CCDC157: variants seen among roughly 807,000 people sequenced by gnomAD.
The protein encoded by CCDC157 is coiled-coil domain-containing protein 157.
CCDC157 carries 60 observed loss-of-function variants against 70.9 expected under a neutral mutation model. That is an observed-to-expected ratio of 0.85 (90% CI 0.69 to 1.05). The LOEUF (loss-of-function observed/expected upper bound fraction) is 1.05. CCDC157 is among the 50% of genes least tolerant of loss of function. CCDC157 has a pLI of 0.00. For synonymous variants in CCDC157, 373 were observed against 422.4 expected, an observed-to-expected ratio of 0.88 and a Z score of 1.43; for missense variants, 943 against 984.2, an observed-to-expected ratio of 0.96 and a Z score of 0.56.
At chr22:30,376,215 A>C (rs1601751525) in intron 10 of CCDC157, 44 bp from the exon 11 acceptor site, 18,801 of 1,182,380 alleles carry the variant, frequency 0.016, no homozygotes, top group Non-Finnish European at 0.021. Context: ...TGGGGAGGGG[A>C]CTCCTGGGCC....
chr22:30,366,222 C>T lies in CCDC157; in HGVS notation c.222C>T (p.Ala74=), dbSNP rs145073380. 1.9e-5 allele frequency: 31 copies of T among 1,613,600 alleles called. No homozygotes were observed. The highest frequency in any genetic ancestry group is 1.1e-4 in the South Asian group (10 of 91,090). Reference sequence around the variant, plus strand: ...CCGAGTTCACGCAGCTGTCCCATGCCGTGCTGCTGGAGCTGGTCATCGACA... The same window carrying T: ...CCGAGTTCACGCAGCTGTCCCATGCTGTGCTGCTGGAGCTGGTCATCGACA... The part of the protein sequence containing the change: ...GDPEFTQLSH[A]VLLELVIDRL... The change falls in exon 3 of 12, where the codon GCC becomes GCT. Residue 74 remains alanine (A), a synonymous_variant. Coordinates refer to ENST00000338306, the MANE Select transcript of CCDC157 (RefSeq NM_001017437.5).
intron 9 of CCDC157, chr22:30,374,292 C>T (rs1006881530): frequency 1.3e-4 from 88 of 664,600 alleles, no homozygotes; most frequent in African/African-American, 1.2e-3. Flanking sequence ...TAGACAGGGA[C>T]GTGAAAGCCC....
chr22:30,364,779 T>C (rs1932606848), intron 2 of CCDC157, among the ~76,000 whole-genome samples: 2 of 148,422 alleles, frequency 1.3e-5, no homozygotes, highest in Admixed American at 6.8e-5. Flanking sequence ...CACGCCACTG[T>C]ACTCCAGCCT....
At chr22:30,371,598 G>A (rs552415037) in intron 5 of CCDC157, 52 bp from the exon 6 acceptor site, 88 of 1,497,032 alleles carry the variant, frequency 5.9e-5, no homozygotes, top group Admixed American at 1.7e-4. Flanking sequence ...CATGAAGGCC[G>A]CCGGCCAGGT....
In CCDC157 at chr22:30,373,681, G is replaced by A. The variant is rs201264202; in HGVS notation, c.1420G>A (p.Glu474Lys). ...EREELRGSLDEAEAQRARVEE... is the reference protein window; with the variant it reads ...EREELRGSLDKAEAQRARVEE... ...TGAGGAGCTGCGGGGCAGCCTGGAC[G>A]AGGCTGAGGCCCAGCGGGCCCGCGT... The change falls in exon 8 of 12, where the codon GAG becomes AAG. Residue 474 changes from glutamate (E) to lysine (K), a missense_variant. Coordinates refer to ENST00000338306, the MANE Select transcript of CCDC157 (RefSeq NM_001017437.5). The A allele has an allele frequency of 4.7e-4, 735 of 1,555,376 alleles. 1 individual carries two copies. Among genetic ancestry groups the A allele is most frequent in the Non-Finnish European group, 5.8e-4 (669 of 1,149,630 alleles).
At chr22:30,371,125 G>A in intron 5 of CCDC157, 175 bp downstream of exon 5, 1 of 760,180 alleles carries the variant, frequency 1.3e-6, no homozygotes, top group Non-Finnish European at 2.1e-6. Context: ...TCATCCGGTG[G>A]TGACACTGTG....
rs532275916 is a variant in CCDC157, at chr22:30,369,213, C to T, written c.249-219C>T. 5.2e-4 allele frequency: 201 copies of T among 385,864 alleles called. No homozygotes were observed. In the East Asian group the frequency reaches 7.6e-3, roughly 15 times the overall value. The allele number at this position is 385,864 out of a possible 1,614,324, so 23.9% of individuals were successfully genotyped here. A position where few individuals can be genotyped will look rare whatever the true frequency, so the allele number is the denominator to read the frequency against. On this transcript the variant is annotated intron_variant, in intron 3 of 11. Coordinates refer to ENST00000338306, the MANE Select transcript of CCDC157 (RefSeq NM_001017437.5). ...CCAGGCAGAAGTGCCACCCAGGAGACACAGAAGAGGCTCCCAAGCTGAGGC... is the reference window on the plus strand; with the variant it reads ...CCAGGCAGAAGTGCCACCCAGGAGATACAGAAGAGGCTCCCAAGCTGAGGC...
chr22:30,364,807 ACCATCTC>A, intron 2 of CCDC157, among the ~76,000 whole-genome samples: 1 of 145,972 alleles, frequency 6.9e-6, no homozygotes, highest in Non-Finnish European at 1.5e-5. Context: ...AGAGCTAGAC[ACCATCTC>A]AAAAAAAAAA....
rs1050511865 is a variant in CCDC157, at chr22:30,378,015, G to C, written c.*1270G>C. On this transcript the variant is annotated 3_prime_UTR_variant, in exon 12 of 12. Transcript: ENST00000338306. Reference sequence around the variant, plus strand: ...AAGAATTGGCTTCCAAGCTCCACTTGTTGGCAGAATTCCGATCCTTGCGGC... The same window carrying C: ...AAGAATTGGCTTCCAAGCTCCACTTCTTGGCAGAATTCCGATCCTTGCGGC... The C allele has an allele frequency of 2.3e-6, 1 of 426,426 alleles. No individual in the cohort carries two copies. Among genetic ancestry groups the C allele is most frequent in the Non-Finnish European group, 4.9e-6 (1 of 202,474 alleles). The allele number at this position is 426,426 out of a possible 1,614,324, so 26.4% of individuals were successfully genotyped here.
At chr22:30,365,386 G>C (rs907049705) in intron 2 of CCDC157, among the ~76,000 whole-genome samples, 2 of 152,006 alleles carry the variant, frequency 1.3e-5, no homozygotes, top group South Asian at 2.1e-4. Flanking sequence ...CTGGAGAGAG[G>C]TGGGGTGAGG....
At chr22:30,366,375 T>A in intron 3 of CCDC157, 127 bp downstream of exon 3, 1 of 1,153,980 alleles carries the variant, frequency 8.7e-7, no homozygotes. Flanking sequence ...TGAGTACCTG[T>A]CGGGGCCACA....
chr22:30,359,865 A>C (rs1229292503), intron 1 of CCDC157, among the ~76,000 whole-genome samples: 1 of 152,248 alleles, frequency 6.6e-6, no homozygotes, highest in Non-Finnish European at 1.5e-5. Flanking sequence ...AGTTTAATAA[A>C]AGATTAAGGT....
At chr22:30,366,582 G>A (rs921042033) in intron 3 of CCDC157, 5 of 379,916 alleles carry the variant, frequency 1.3e-5, no homozygotes, top group Non-Finnish European at 2.1e-5. Flanking sequence ...CTATGTTGGG[G>A]ACCCCATAGT....
chr22:30,375,774 C>T (rs1027246943), intron 10 of CCDC157, 111 bp downstream of exon 10: 1 of 905,564 alleles, frequency 1.1e-6, no homozygotes, highest in African/African-American at 1.7e-5. Context: ...TCACATGAGG[C>T]CTTAGGCTGT....
chr22:30,362,874 G>A (rs1932448841), intron 2 of CCDC157, among the ~76,000 whole-genome samples: 1 of 152,174 alleles, frequency 6.6e-6, no homozygotes, highest in African/African-American at 2.4e-5. Context: ...CTGAGATGAG[G>A]GTGGTTGGTG....
rs1449141128 is a variant in CCDC157 at position 30,376,345 on chromosome 22, A to C, written c.1944A>C (p.Pro648=). Residue 648 remains proline (P), a splice_region_variant and synonymous_variant, in exon 11 of 12, where the codon CCA becomes CCC. Transcript: ENST00000338306. ...TPPVQAKSTS[P]GPLGRQHLPS... ...CAGTCCAGGCCAAGAGCACATCCCC[A>C]GGGTGAGTGAGGCTTTACTGGAGGT... 3 of 1,611,474 alleles carry C rather than the reference A, an allele frequency of 1.9e-6. No homozygotes were observed.
intron 10 of CCDC157, 41 bp from the exon 11 acceptor site, chr22:30,376,218 C>T: frequency 6.3e-7 from 1 of 1,583,138 alleles, no homozygotes; most frequent in East Asian, 2.2e-5. Flanking sequence ...GGAGGGGACT[C>T]CTGGGCCCTT....
intron 10 of CCDC157, 34 bp downstream of exon 10, chr22:30,375,697 G>A (rs963843442): frequency 1.9e-6 from 3 of 1,571,388 alleles, no homozygotes; most frequent in South Asian, 2.3e-5. Flanking sequence ...TGGGGACCAG[G>A]AGGAAGCCCC....
intron 7 of CCDC157, 106 bp from the exon 8 acceptor site, chr22:30,373,491 G>T (rs889516712): frequency 2.4e-6 from 3 of 1,270,666 alleles, no homozygotes; most frequent in East Asian, 2.5e-5. Context: ...ACACCCCAGG[G>T]GGGTAGCAGC....
Sources: allele counts gnomAD v4.1 joint callset (sites outside exome capture counted in the v4.1 genomes callset), GRCh38; gene constraint gnomAD v4.1.1; transcripts MANE v1.5; gene names NCBI Gene and HGNC (gene_info 2026-07-23, HGNC 2026-07-21).